Variants in SRI observed in about 807,000 individuals in gnomAD.
SRI encodes sorcin, also known as 22 kDa protein.
SRI carries 30 observed loss-of-function variants against 33.3 expected under a neutral mutation model. That is an observed-to-expected ratio of 0.90 (90% CI 0.67 to 1.22). The LOEUF (loss-of-function observed/expected upper bound fraction) is 1.22, where lower values mean the gene tolerates loss of function less well. Ranked by LOEUF, SRI falls within the 50% of genes most tolerant of loss-of-function variation. SRI has a pLI of 0.00. For missense variants in SRI, 243 were observed against 250.8 expected, an observed-to-expected ratio of 0.97 and a Z score of 0.21; for synonymous variants, 75 against 89.9, an observed-to-expected ratio of 0.83 and a Z score of 0.94.
upstream of SRI, among the ~76,000 whole-genome samples, chr7:88,222,715 T>A (rs1851915418): frequency 6.6e-6 from 1 of 152,156 alleles, no homozygotes; most frequent in South Asian, 2.1e-4. Flanking sequence ...AACTATCTGA[T>A]CTTTGACAAA....
chr7:88,217,207 T>G lies in SRI; in HGVS notation c.136-16A>C. Reference sequence around the variant, plus strand: ...TCTGCCCATCCTTTTGAAAAAAAATTAGAGGAATCATAATAGTGATTTGTA... The same window carrying G: ...TCTGCCCATCCTTTTGAAAAAAAATGAGAGGAATCATAATAGTGATTTGTA... On this transcript the variant is annotated splice_polypyrimidine_tract_variant and intron_variant, in intron 2 of 7. Coordinates refer to ENST00000265729, the MANE Select transcript of SRI (RefSeq NM_003130.4). The G allele has an allele frequency of 6.2e-7, 1 of 1,606,850 alleles. No individual in the cohort carries two copies. Among genetic ancestry groups the G allele is most frequent in the Non-Finnish European group, 8.5e-7 (1 of 1,175,004 alleles).
At chr7:88,220,195 C>G (rs921545006), upstream of SRI, 1 of 1,314,030 alleles carries the variant, frequency 7.6e-7, no homozygotes, top group South Asian at 2.1e-5. Context: ...CGTGGCTCCC[C>G]TGCCTGCGCG....
intron 3 of SRI, among the ~76,000 whole-genome samples, chr7:88,213,114 T>C (rs1851618800): frequency 6.6e-6 from 1 of 152,166 alleles, no homozygotes. Flanking sequence ...TAGAGTCCAT[T>C]TCCAGCCCCA....
intron 7 of SRI, among the ~76,000 whole-genome samples, chr7:88,206,964 A>T (rs1563470431): frequency 6.6e-6 from 1 of 152,184 alleles, no homozygotes; most frequent in Non-Finnish European, 1.5e-5. Flanking sequence ...ATTAAAACAA[A>T]TTGTAGCATG....
intron 3 of SRI, chr7:88,215,041 G>C (rs1029539156): frequency 3.2e-5 from 14 of 431,760 alleles, no homozygotes; most frequent in Non-Finnish European, 5.6e-5. Context: ...TTTTAAACTG[G>C]TTAAGAAGGG....
At chr7:88,218,732 T>C (rs1420293905) in intron 2 of SRI, 127 bp downstream of exon 2, 2 of 803,934 alleles carry the variant, frequency 2.5e-6, no homozygotes, top group African/African-American at 1.8e-5. Context: ...AGAAACAACT[T>C]TTTTTTTCTT....
upstream of SRI, among the ~76,000 whole-genome samples, chr7:88,224,132 G>A (rs1851947361): frequency 6.6e-6 from 1 of 152,222 alleles, no homozygotes; most frequent in African/African-American, 2.4e-5. Flanking sequence ...GACCTAGCCA[G>A]ATGTAGATAT....
At position 88,213,364 on chromosome 7, in the gene SRI, C is replaced by G. The variant is rs565366014; in HGVS notation, c.206-2439G>C. Among the ~76,000 whole-genome samples, 239 of 152,302 alleles carry G rather than the reference C, an allele frequency of 1.6e-3. 2 individuals are homozygous for G. The highest frequency in any genetic ancestry group is 2.7e-3 in the Non-Finnish European group (185 of 68,016). On this transcript the variant is annotated intron_variant, in intron 3 of 7. Transcript: ENST00000265729. ...TTTTGCAAGTCAGGCTCATCTCTTA[C>G]TCTTGTTCAACCCCGTACACTATCT...
Position 88,218,944 on chromosome 7 carries a change from T to A in SRI, c.52-2A>T, listed in dbSNP as rs771076648. ...AGGCCCTCCGGGAGCCCCTCCATAC[T>A]GTGAAACAGGAAACACATACACGTC... is the stretch of plus-strand genomic sequence containing the variant. On this transcript the variant is annotated splice_acceptor_variant, in intron 1 of 7. Transcript: ENST00000265729. LOFTEE classifies it high-confidence loss of function. The A allele has an allele frequency of 6.2e-7, 1 of 1,613,532 alleles. No individual in the cohort carries two copies.
intron 2 of SRI, 190 bp downstream of exon 2, chr7:88,218,669 G>A: frequency 1.8e-6 from 1 of 554,760 alleles, no homozygotes; most frequent in South Asian, 2.0e-5. Flanking sequence ...ATAAATACGA[G>A]TAACACTTTG....
At chr7:88,217,474 T>A (rs1851760307) in intron 2 of SRI, among the ~76,000 whole-genome samples, 1 of 151,616 alleles carries the variant, frequency 6.6e-6, no homozygotes. Flanking sequence ...TTTAAAATAT[T>A]TTTTTTTGAT....
Position 88,218,892 on chromosome 7 carries a change from C to A in SRI, c.102G>T (p.Pro34=). Residue 34 remains proline (P), a synonymous_variant, in exon 2 of 8, where the codon CCG becomes CCT. Coordinates refer to ENST00000265729, the MANE Select transcript of SRI (RefSeq NM_003130.4). ...CTACAGCAGCAAAGTAACCATACAG[C>A]GGATCCTGAGTTTGTCCGGGAAACG... is the stretch of plus-strand genomic sequence containing the variant. ...GPAFPGQTQD[P]LYGYFAAVAG... The A allele has an allele frequency of 6.2e-7, 1 of 1,614,052 alleles. No homozygotes were observed. The highest frequency in any genetic ancestry group is 8.5e-7 in the Non-Finnish European group (1 of 1,179,970).
rs941511503 is a variant in SRI at position 88,209,988 on chromosome 7, G to A, written c.392C>T (p.Thr131Ile). The A allele has an allele frequency of 6.2e-7, 1 of 1,614,118 alleles. No individual in the cohort carries two copies. Residue 131 changes from threonine to isoleucine, a missense_variant, in exon 5 of 8, where the codon ACA becomes ATA. By Grantham distance (89) the Thr-to-Ile change is moderately conservative (BLOSUM62 -1). Coordinates refer to ENST00000265729, the MANE Select transcript of SRI (RefSeq NM_003130.4). ...TTCTAGTAAGCCATACCTACCCATT[G>A]TTGTCAGGGCCTTCTGCAATTCTTG... ...DPQELQKALT[T>I]MGFRLSPQAV...
chr7:88,205,510 C>G lies in SRI; in HGVS notation c.*968G>C, dbSNP rs1435671556. 6.6e-6 allele frequency: 1 copy of G among 152,138 alleles called. No individual in the cohort carries two copies. Among genetic ancestry groups the G allele is most frequent in the Non-Finnish European group, 1.5e-5 (1 of 68,018 alleles). The allele number at this position is 152,138 out of a possible 1,614,324, so 9.4% of individuals were successfully genotyped here. On this transcript the variant is annotated 3_prime_UTR_variant, in exon 8 of 8. Coordinates refer to ENST00000265729, the MANE Select transcript of SRI (RefSeq NM_003130.4). ...CAGCTTAAAATTTTTTAAAAAATTC[C>G]TTCCATTATAAATGTAGTACCTGCT...
At chr7:88,220,217 C>A, upstream of SRI, 1 of 1,312,464 alleles carries the variant, frequency 7.6e-7, no homozygotes, top group Non-Finnish European at 9.6e-7. Flanking sequence ...TTCTTCGTAT[C>A]TTTGCCATTA....
At chr7:88,208,832 C>G in intron 6 of SRI, 1 of 439,738 alleles carries the variant, frequency 2.3e-6, no homozygotes, top group Non-Finnish European at 4.1e-6. Flanking sequence ...TACCCAAAGT[C>G]AGTAAAAGCT....
rs1851425801 is a variant in SRI, at chr7:88,205,702, T to G, written c.*776A>C. 6.6e-6 allele frequency: 1 copy of G among 152,164 alleles called. No homozygotes were observed. Among genetic ancestry groups the G allele is most frequent in the Admixed American group, 6.5e-5 (1 of 15,274 alleles). The allele number at this position is 152,164 out of a possible 1,614,324, so 9.4% of individuals were successfully genotyped here. On this transcript the variant is annotated 3_prime_UTR_variant, in exon 8 of 8. Coordinates refer to ENST00000265729, the MANE Select transcript of SRI (RefSeq NM_003130.4). The stretch of plus-strand genomic sequence containing the variant: ...ATATCAAAATGGATGTATCAGTATT[T>G]TAAAAACTAAAATCTGATTTTAAAA...
At chr7:88,207,519 G>T (rs200703361) in intron 7 of SRI, among the ~76,000 whole-genome samples, 3 of 145,266 alleles carry the variant, frequency 2.1e-5, no homozygotes, top group Admixed American at 2.0e-4. Context: ...TTGTTTGTTT[G>T]TTTTTTGTTT....
rs1231154250 is a variant in SRI, at chr7:88,206,069, T to G, written c.*409A>C. 3 of 190,446 alleles carry G rather than the reference T, an allele frequency of 1.6e-5. No homozygotes were observed. The highest frequency in any genetic ancestry group is 1.3e-4 in the East Asian group (1 of 7,754). The allele number at this position is 190,446 out of a possible 1,614,324, so 11.8% of individuals were successfully genotyped here. A position where few individuals can be genotyped will look rare whatever the true frequency, so the allele number is the denominator to read the frequency against. On this transcript the variant is annotated 3_prime_UTR_variant, in exon 8 of 8. Coordinates refer to ENST00000265729, the MANE Select transcript of SRI (RefSeq NM_003130.4). ...GTTTTATTTCACCCAAGTGCGTCTATGTCATTTACCTAAGTTTTTATGTGT... is the reference window on the plus strand; with the variant it reads ...GTTTTATTTCACCCAAGTGCGTCTAGGTCATTTACCTAAGTTTTTATGTGT...
Sources: gnomAD v4.1 joint callset for allele counts (sites outside exome capture counted in the v4.1 genomes callset) on GRCh38, gnomAD v4.1.1 for gene constraint, MANE v1.5 for transcripts, NCBI Gene and HGNC (gene_info 2026-07-23, HGNC 2026-07-21) for gene names.